TBL1X: variants seen among roughly 807,000 people sequenced by gnomAD.
The protein encoded by TBL1X is F-box-like/WD repeat-containing protein TBL1X.
Under a neutral mutation model 50.7 loss-of-function variants are expected in TBL1X, and 10 were observed. That is an observed-to-expected ratio of 0.20 (90% CI 0.12 to 0.33). The LOEUF (loss-of-function observed/expected upper bound fraction) is 0.33, where lower values mean the gene tolerates loss of function less well. Ranked by LOEUF, TBL1X falls within the 10% of genes least tolerant of loss-of-function variation. The pLI is 1.00. For synonymous variants in TBL1X, 190 were observed against 214.7 expected, an observed-to-expected ratio of 0.88 and a Z score of 1.01; for missense variants, 340 against 504.4, an observed-to-expected ratio of 0.67 and a Z score of 3.12.
chrX:9,574,464 A>G (rs1406620114), intron 2 of TBL1X, among the ~76,000 whole-genome samples: 1 of 99,167 alleles, frequency 1.0e-5, no homozygotes, highest in African/African-American at 4.3e-5. Context: ...CAAATGAAAA[A>G]AAAAAAAAAA....
chrX:9,554,457 A>C (rs1212328876), intron 2 of TBL1X, among the ~76,000 whole-genome samples: 1 of 112,518 alleles, frequency 8.9e-6, no homozygotes, highest in Admixed American at 9.4e-5. Flanking sequence ...ACTTGATTCA[A>C]TACAATTTAT....
intron 2 of TBL1X, among the ~76,000 whole-genome samples, chrX:9,519,147 A>G (rs778783437): frequency 8.9e-6 from 1 of 112,338 alleles, no homozygotes; most frequent in Non-Finnish European, 1.9e-5. Context: ...CGTGGAACAC[A>G]TTCCCCTCAG....
chrX:9,484,370 T>C (rs2081899589), intron 1 of TBL1X, among the ~76,000 whole-genome samples: 1 of 111,583 alleles, frequency 9.0e-6, no homozygotes, highest in African/African-American at 3.3e-5. Context: ...AGTCAAAGAA[T>C]ATTTCCATCA....
intron 2 of TBL1X, among the ~76,000 whole-genome samples, chrX:9,533,752 G>A (rs752596081): frequency 1.1e-4 from 12 of 111,557 alleles, no homozygotes; most frequent in Admixed American, 4.8e-4. Flanking sequence ...ATCAAGTTAC[G>A]AGAAATGGAG....
chrX:9,606,249 G>T (rs1215445200), intron 2 of TBL1X, among the ~76,000 whole-genome samples: 1 of 111,922 alleles, frequency 8.9e-6, no homozygotes, highest in African/African-American at 3.3e-5. Context: ...GGCTCACGGG[G>T]ACCGACCGTC....
At chrX:9,694,342 A>G (rs1460558134) in intron 11 of TBL1X, among the ~76,000 whole-genome samples, 1 of 111,614 alleles carries the variant, frequency 9.0e-6, no homozygotes, top group Admixed American at 9.5e-5. Flanking sequence ...AAAGCTTTGC[A>G]TTTTGTGGTG....
intron 1 of TBL1X, among the ~76,000 whole-genome samples, chrX:9,493,034 G>A (rs933837723): frequency 4.5e-5 from 5 of 111,014 alleles, no homozygotes; most frequent in Admixed American, 2.9e-4. Context: ...TATGTGACTG[G>A]GAGTGTGATA....
At chrX:9,639,497 G>A (rs1270655581) in intron 2 of TBL1X, among the ~76,000 whole-genome samples, 1 of 111,585 alleles carries the variant, frequency 9.0e-6, no homozygotes. Context: ...TTAGGTAAAT[G>A]GTTTACTGAT....
At chrX:9,499,367 G>A (rs978469792) in intron 1 of TBL1X, among the ~76,000 whole-genome samples, 4 of 111,844 alleles carry the variant, frequency 3.6e-5, no homozygotes, top group Non-Finnish European at 7.5e-5. Flanking sequence ...ACAGGGAGGG[G>A]AAAGACAATA....
chrX:9,703,406 C>T (rs1003902019), intron 12 of TBL1X, among the ~76,000 whole-genome samples: 8 of 111,583 alleles, frequency 7.2e-5, no homozygotes, highest in Admixed American at 6.6e-4. Context: ...AGTTCTCTGG[C>T]ATGAGGTGGG....
intron 2 of TBL1X, among the ~76,000 whole-genome samples, chrX:9,591,489 T>G (rs1306308584): frequency 2.7e-5 from 3 of 112,716 alleles, no homozygotes; most frequent in Non-Finnish European, 3.7e-5. Flanking sequence ...AAATACTTGT[T>G]ATTCTGGAGT....
At position 9,716,358 on chromosome X, in the gene TBL1X, T is replaced by G; in HGVS notation, c.*112T>G. ...GAACTTGACTTGCGTTAGAGTGTACTCTGAAACCAACTCGTCTCTGGCCGC... is the reference window on the plus strand; with the variant it reads ...GAACTTGACTTGCGTTAGAGTGTACGCTGAAACCAACTCGTCTCTGGCCGC... On this transcript the variant is annotated 3_prime_UTR_variant, in exon 18 of 18. Coordinates refer to ENST00000645353, the MANE Select transcript of TBL1X (RefSeq NM_005647.4). The G allele has an allele frequency of 1.2e-6, 1 of 829,813 alleles. No homozygotes were observed. The highest frequency in any genetic ancestry group is 1.7e-6 in the Non-Finnish European group (1 of 582,549). The allele number at this position is 829,813 out of a possible 1,213,427, so 68.4% of individuals were successfully genotyped here.
chrX:9,683,825 A>G lies in TBL1X; in HGVS notation c.212-218A>G, dbSNP rs111495346. On this transcript the variant is annotated intron_variant, in intron 5 of 17. Coordinates refer to ENST00000645353, the MANE Select transcript of TBL1X (RefSeq NM_005647.4). ...AAGTCCCTTGTTTCATCACATACCA[A>G]TCCTGGTCTTCCTGGGTCTGAAGTC... Among the ~76,000 whole-genome samples the G allele has an allele frequency of 0.033, 3,606 of 110,859 alleles. 148 individuals are homozygous for G. The highest frequency in any genetic ancestry group is 0.11 in the African/African-American group (3,446 of 30,439).
At chrX:9,575,648 C>T (rs768355939) in intron 2 of TBL1X, among the ~76,000 whole-genome samples, 1 of 111,793 alleles carries the variant, frequency 8.9e-6, no homozygotes, top group Non-Finnish European at 1.9e-5. Flanking sequence ...TTTAAGCACA[C>T]GTTTTTGTGT....
At chrX:9,593,785 AG>A (rs2146542073) in intron 2 of TBL1X, among the ~76,000 whole-genome samples, 1 of 110,991 alleles carries the variant, frequency 9.0e-6, no homozygotes, top group Admixed American at 9.5e-5. Flanking sequence ...CCGCCTCCCA[AG>A]CCCTGCCCTC....
chrX:9,702,394 A>G (rs1023649906), intron 12 of TBL1X, among the ~76,000 whole-genome samples: 13 of 103,878 alleles, frequency 1.3e-4, no homozygotes, highest in Non-Finnish European at 2.5e-4. Flanking sequence ...GTGAGCCAAG[A>G]TTGTGCCACT....
At chrX:9,565,397 G>A (rs184080353) in intron 2 of TBL1X, among the ~76,000 whole-genome samples, 173 of 109,939 alleles carry the variant, frequency 1.6e-3, no homozygotes, top group African/African-American at 5.5e-3. Flanking sequence ...ATGAGCTATC[G>A]AAAACGTGGA....
intron 1 of TBL1X, among the ~76,000 whole-genome samples, chrX:9,469,776 C>G (rs971155115): frequency 2.7e-4 from 30 of 111,838 alleles, no homozygotes; most frequent in African/African-American, 8.1e-4. Context: ...CACAGTCACC[C>G]CCCCCAGCCC....
intron 7 of TBL1X, among the ~76,000 whole-genome samples, chrX:9,690,432 G>A (rs186277134): frequency 4.5e-5 from 5 of 111,123 alleles, no homozygotes; most frequent in East Asian, 5.7e-4. Context: ...TCACGTGCTC[G>A]TTCCTCTGGT....
Sources: gnomAD v4.1 joint callset for allele counts (sites outside exome capture counted in the v4.1 genomes callset) on GRCh38, gnomAD v4.1.1 for gene constraint, MANE v1.5 for transcripts, NCBI Gene and HGNC (gene_info 2026-07-23, HGNC 2026-07-21) for gene names.